ECM2: variants seen among roughly 807,000 people sequenced by gnomAD.
ECM2 encodes the protein extracellular matrix protein 2.
A neutral mutation model predicts 67.5 loss-of-function variants in ECM2; 57 were observed. That is an observed-to-expected ratio of 0.84 (90% CI 0.68 to 1.05). ECM2 has a LOEUF of 1.05. Ranked by LOEUF, ECM2 falls within the 50% of genes least tolerant of loss-of-function variation. The pLI, the probability that ECM2 is intolerant of heterozygous loss-of-function variation, is 0.00. For synonymous variants in ECM2, 258 were observed against 294.5 expected (o/e 0.88, Z 1.27); for missense variants, 741 against 822.8 (o/e 0.90, Z 1.22).
intron 2 of ECM2, among the ~76,000 whole-genome samples, chr9:92,518,101 C>T (rs1847837169): frequency 6.6e-6 from 1 of 152,176 alleles, no homozygotes; most frequent in Non-Finnish European, 1.5e-5. Context: ...GTGAACTCCT[C>T]ATGGTAACTT....
chr9:92,523,825 C>T lies in ECM2; in HGVS notation c.-27-932G>A, dbSNP rs58961523. Among the ~76,000 whole-genome samples the T allele has an allele frequency of 3.9e-3, 600 of 152,284 alleles. 6 individuals are homozygous for T. The highest frequency in any genetic ancestry group is 0.013 in the African/African-American group (560 of 41,554). On this transcript the variant is annotated intron_variant, in intron 1 of 9. Coordinates refer to ENST00000344604, the MANE Select transcript of ECM2 (RefSeq NM_001393.4). Reference sequence around the variant, plus strand: ...TGTTTATAGATAAGAGAGCAGGTTGCACTCAGAGCATGGGAACATAACGGC... The same window carrying T: ...TGTTTATAGATAAGAGAGCAGGTTGTACTCAGAGCATGGGAACATAACGGC...
At chr9:92,542,706 A>G in the ECM2 span, among the ~76,000 whole-genome samples, 2 of 152,194 alleles carry the variant, frequency 1.3e-5, no homozygotes, top group East Asian at 1.9e-4. Flanking sequence ...TAGTAGAGAC[A>G]AGGTTTCAGC....
rs1847392035 is a variant in ECM2, at chr9:92,512,201, C to T, written c.1055-75G>A. On this transcript the variant is annotated intron_variant, in intron 4 of 9. Coordinates refer to ENST00000344604, the MANE Select transcript of ECM2 (RefSeq NM_001393.4). Reference sequence around the variant, plus strand: ...GTACACACATGTATGGGCATGTGTGCATAGATATCAAGAGAGAGCTTTGTC... The same window carrying T: ...GTACACACATGTATGGGCATGTGTGTATAGATATCAAGAGAGAGCTTTGTC... 8.9e-6 allele frequency: 8 copies of T among 896,806 alleles called. No individual in the cohort carries two copies. The South Asian group carries it at 1.0e-4, about 11-fold the overall frequency. 55.6% of individuals were successfully genotyped at this position (896,806 alleles called of 1,614,324 possible).
chr9:92,538,076 TTCACC>T (rs2131304324), upstream of ECM2, among the ~76,000 whole-genome samples: 1 of 152,270 alleles, frequency 6.6e-6, no homozygotes, highest in South Asian at 2.1e-4. Flanking sequence ...GTCCTACCAT[TTCACC>T]TCTAGGAACC....
At chr9:92,503,083 C>T (rs375008684) in intron 7 of ECM2, among the ~76,000 whole-genome samples, 59 of 152,154 alleles carry the variant, frequency 3.9e-4, no homozygotes, top group African/African-American at 1.4e-3. Flanking sequence ...GCTGGAATTA[C>T]AGGAAAGTTG....
chr9:92,548,419 G>C, the ECM2 span, among the ~76,000 whole-genome samples: 1 of 152,126 alleles, frequency 6.6e-6, no homozygotes, highest in Non-Finnish European at 1.5e-5. Flanking sequence ...TCCCAATTAG[G>C]GGGTTGTCCA....
chr9:92,527,131 C>G (rs963362764), intron 1 of ECM2, among the ~76,000 whole-genome samples: 5 of 152,170 alleles, frequency 3.3e-5, no homozygotes, highest in Admixed American at 1.3e-4. Flanking sequence ...ACCTCAGCCT[C>G]CCGAGTAGCT....
chr9:92,509,259 G>A (rs1360949628), intron 6 of ECM2, among the ~76,000 whole-genome samples: 1 of 152,114 alleles, frequency 6.6e-6, no homozygotes, highest in African/African-American at 2.4e-5. Flanking sequence ...AGAAGTTCCA[G>A]CCCAAGCCCT....
chr9:92,549,779 A>ATAGTGC, the ECM2 span, among the ~76,000 whole-genome samples: 1 of 152,182 alleles, frequency 6.6e-6, no homozygotes, highest in Non-Finnish European at 1.5e-5. Context: ...CCTCCCTAAG[A>ATAGTGC]TAGTGCTGTT....
At chr9:92,536,215 T>G, upstream of ECM2, 1 of 342,684 alleles carries the variant, frequency 2.9e-6, no homozygotes, top group Non-Finnish European at 5.5e-6. Context: ...GCAGTGGGTG[T>G]GGGGGAAGAG....
rs10120210 is a variant in ECM2 at position 92,522,700 on chromosome 9, T to A, written c.167A>T (p.Gln56Leu). 2.0e-5 allele frequency: 32 copies of A among 1,613,872 alleles called. No homozygotes were observed. The highest frequency in any genetic ancestry group is 8.3e-5 in the Admixed American group (5 of 59,986). The stretch of plus-strand genomic sequence containing the variant: ...TACTGGTGTAAAAACTGTTGTTTGC[T>A]GAATTCCAAGCTGTCTGTTTGATCT... ...KHRSNRQLGI[Q>L]QTTVFTPVAR... The change falls in exon 2 of 10, where the codon CAG (glutamine) becomes CTG (leucine). Residue 56 changes from glutamine to leucine, a missense_variant. Gln to Leu is a moderately radical substitution (Grantham distance 113). Transcript: ENST00000344604.
At chr9:92,551,957 TATATATGTGTG>T in the ECM2 span, among the ~76,000 whole-genome samples, 4 of 116,738 alleles carry the variant, frequency 3.4e-5, no homozygotes, top group African/African-American at 1.4e-4. Context: ...ATATATGATA[TATATATGTGTG>T]ATATATATGT....
intron 8 of ECM2, among the ~76,000 whole-genome samples, chr9:92,502,162 T>A (rs112262891): frequency 0.039 from 5,875 of 152,256 alleles, 144 homozygotes; most frequent in Middle Eastern, 0.075. Flanking sequence ...TAGACAGAGC[T>A]AGAGTGGCAT....
At chr9:92,550,010 T>G in the ECM2 span, among the ~76,000 whole-genome samples, 39 of 152,198 alleles carry the variant, frequency 2.6e-4, no homozygotes, top group Non-Finnish European at 4.6e-4. Flanking sequence ...AAACAGACAC[T>G]GAATCTCTGT....
chr9:92,535,136 T>TGGATACTTTTACTTACCTA (rs766072766), intron 1 of ECM2, among the ~76,000 whole-genome samples: 1 of 152,062 alleles, frequency 6.6e-6, no homozygotes, highest in Non-Finnish European at 1.5e-5. Flanking sequence ...TACCCAGAAA[T>TGGATACTTTTACTTACCTA]CTAAATAGAT....
intron 6 of ECM2, among the ~76,000 whole-genome samples, chr9:92,508,253 G>C (rs1046587517): frequency 6.6e-6 from 1 of 152,226 alleles, no homozygotes; most frequent in Non-Finnish European, 1.5e-5. Context: ...GAGTGCAGCC[G>C]GGGGTATCTG....
intron 1 of ECM2, among the ~76,000 whole-genome samples, chr9:92,535,596 C>T (rs1849119557): frequency 6.6e-6 from 1 of 152,022 alleles, no homozygotes; most frequent in Non-Finnish European, 1.5e-5. Flanking sequence ...TCTATTTTCA[C>T]TTCATTCAAC....
At chr9:92,522,942 C>T in intron 1 of ECM2, 49 bp from the exon 2 acceptor site, 1 of 1,474,896 alleles carries the variant, frequency 6.8e-7, no homozygotes, top group Non-Finnish European at 8.9e-7. Context: ...ATTTTTACTT[C>T]TGAAAATTGG....
chr9:92,524,517 A>C (rs1005653048), intron 1 of ECM2, among the ~76,000 whole-genome samples: 1 of 152,132 alleles, frequency 6.6e-6, no homozygotes, highest in Non-Finnish European at 1.5e-5. Context: ...TAGTCCTACA[A>C]AGGAAGGTTG....
Sources: allele counts gnomAD v4.1 joint callset (sites outside exome capture counted in the v4.1 genomes callset), GRCh38; gene constraint gnomAD v4.1.1; transcripts MANE v1.5; gene names NCBI Gene and HGNC (gene_info 2026-07-23, HGNC 2026-07-21).